The following HECW2 variants were observed in gnomAD, a reference collection of about 807,000 sequenced individuals.
The protein encoded by HECW2 is HECT, C2 and WW domain containing E3 ubiquitin protein ligase 2, also known as E3 ubiquitin-protein ligase HECW2.
Under a neutral mutation model 175.2 loss-of-function variants are expected in HECW2, and 61 were observed. That is an observed-to-expected ratio of 0.35 (90% confidence interval 0.28 to 0.43). The LOEUF (loss-of-function observed/expected upper bound fraction) is 0.43, where lower values mean the gene tolerates loss of function less well. Ranked by LOEUF, HECW2 falls within the 20% of genes least tolerant of loss-of-function variation. HECW2 has a pLI of 1.00. For missense variants in HECW2, 1,524 were observed against 2,000.5 expected (o/e 0.76, Z 4.54); for synonymous variants, 671 against 731.0 (o/e 0.92, Z 1.32).
intron 14 of HECW2, among the ~76,000 whole-genome samples, chr2:196,280,407 G>GT (rs1690142050): frequency 6.6e-6 from 1 of 152,116 alleles, no homozygotes; most frequent in African/African-American, 2.4e-5. Flanking sequence ...GGAACTCTAT[G>GT]TACATCATCA....
intron 2 of HECW2, among the ~76,000 whole-genome samples, chr2:196,394,742 T>G (rs1274309491): frequency 6.6e-6 from 1 of 152,232 alleles, no homozygotes; most frequent in Non-Finnish European, 1.5e-5. Context: ...CTGCCATTCA[T>G]TGGGAAAAGG....
At chr2:196,357,893 T>A (rs1693435529) in intron 2 of HECW2, among the ~76,000 whole-genome samples, 1 of 152,244 alleles carries the variant, frequency 6.6e-6, no homozygotes, top group African/African-American at 2.4e-5. Context: ...TGTGGAACTG[T>A]GAGTCAATTA....
chr2:196,265,900 C>A (rs2105946953), intron 17 of HECW2, among the ~76,000 whole-genome samples: 2 of 152,292 alleles, frequency 1.3e-5, no homozygotes. Context: ...CTAGGCCTTT[C>A]TGGCTCCAAA....
chr2:196,345,965 C>T (rs1230210654), intron 2 of HECW2, among the ~76,000 whole-genome samples: 1 of 152,192 alleles, frequency 6.6e-6, no homozygotes, highest in Admixed American at 6.5e-5. Flanking sequence ...AGAGAACACA[C>T]ACATAGGAGA....
At position 196,433,380 on chromosome 2, in the gene HECW2, C is replaced by T. The variant is rs764980123; in HGVS notation, c.44G>A (p.Arg15Gln). 12 of 1,613,910 alleles carry T rather than the reference C, an allele frequency of 7.4e-6. No homozygotes were observed. Among genetic ancestry groups the T allele is most frequent in the African/African-American group, 1.3e-5 (1 of 74,900 alleles). Residue 15 changes from arginine (R) to glutamine (Q), a missense_variant, in exon 2 of 29, where the codon CGA becomes CAA. Physicochemically the swap from Arg to Gln is conservative, Grantham distance 43. This residue lies in a region of HECW2 where 135 missense variants were observed against 214.6 expected (regional missense o/e 0.63). Transcript: ENST00000644978. ...AREHLLFVRR[R>Q]NPQMRYTLSP... is the part of the protein sequence containing the mutation. ...CAATGTGTACCGCATCTGGGGATTT[C>T]GACGCCTCACAAAAAGCAGGTGCTC... is the stretch of plus-strand genomic sequence containing the variant.
At chr2:196,242,551 CT>C (rs1422815863) in intron 19 of HECW2, 6 of 227,050 alleles carry the variant, frequency 2.6e-5, no homozygotes, top group African/African-American at 1.1e-4. Flanking sequence ...TCTTTGCTTG[CT>C]GCTGAAATGA....
At position 196,306,670 on chromosome 2, in the gene HECW2, T is replaced by C. The variant is rs530535714; in HGVS notation, c.2690-58A>G. ...AAATCTTTCTATGATGTGAAAACTA[T>C]CTACTCACTTCAGTCTGCATTTCAA... On this transcript the variant is annotated intron_variant, in intron 12 of 28. Coordinates refer to ENST00000644978, the MANE Select transcript of HECW2 (RefSeq NM_001348768.2). 4.5e-3 allele frequency: 6,772 copies of C among 1,498,414 alleles called. 20 individuals are homozygous for C. The highest frequency in any genetic ancestry group is 5.6e-3 in the Non-Finnish European group (6,269 of 1,117,656). The allele number at this position is 1,498,414 out of a possible 1,614,324, so 92.8% of individuals were successfully genotyped here.
At chr2:196,275,062 G>A (rs935139251) in intron 15 of HECW2, among the ~76,000 whole-genome samples, 1 of 152,234 alleles carries the variant, frequency 6.6e-6, no homozygotes, top group African/African-American at 2.4e-5. Flanking sequence ...TATTTGCTGA[G>A]GATTTTTCTA....
chr2:196,247,576 A>G (rs1688694973), intron 19 of HECW2, among the ~76,000 whole-genome samples: 1 of 152,222 alleles, frequency 6.6e-6, no homozygotes, highest in African/African-American at 2.4e-5. Flanking sequence ...ACTGTGCAGG[A>G]AAAAATTTCA....
chr2:196,335,360 C>T (rs1692513056), intron 3 of HECW2, among the ~76,000 whole-genome samples: 1 of 152,174 alleles, frequency 6.6e-6, no homozygotes. Context: ...GTATACAAAG[C>T]GTCTGAGTCA....
intron 2 of HECW2, among the ~76,000 whole-genome samples, chr2:196,409,652 G>A (rs555406516): frequency 7.6e-4 from 116 of 152,286 alleles, no homozygotes; most frequent in Non-Finnish European, 1.1e-3. Context: ...TGACTCAAGC[G>A]TTACATTTAG....
intron 2 of HECW2, chr2:196,362,060 T>C (rs1363889419): frequency 2.0e-6 from 2 of 985,068 alleles, no homozygotes; most frequent in Non-Finnish European, 2.4e-6. Flanking sequence ...GTTCTAGAAA[T>C]GAAATACTAG....
At chr2:196,209,721 T>G (rs1216872671) in intron 28 of HECW2, among the ~76,000 whole-genome samples, 1 of 152,002 alleles carries the variant, frequency 6.6e-6, no homozygotes, top group Admixed American at 6.6e-5. Context: ...AAAGGGTCCT[T>G]CTAGTACTCA....
At chr2:196,475,234 G>A (rs1025077688) in intron 1 of HECW2, among the ~76,000 whole-genome samples, 4 of 152,008 alleles carry the variant, frequency 2.6e-5, no homozygotes, top group African/African-American at 9.7e-5. Flanking sequence ...CTGCCAGATC[G>A]GAGAGTTCCC....
intron 21 of HECW2, among the ~76,000 whole-genome samples, chr2:196,234,273 A>C (rs1275168275): frequency 6.7e-6 from 1 of 150,316 alleles, no homozygotes. Context: ...ACAACAGTCT[A>C]ATCCAGTTTT....
chr2:196,382,451 C>T (rs1263270104), intron 2 of HECW2, among the ~76,000 whole-genome samples: 4 of 151,342 alleles, frequency 2.6e-5, no homozygotes, highest in Non-Finnish European at 5.9e-5. Flanking sequence ...GAAAAAAGGC[C>T]TCTGGTTATT....
chr2:196,570,142 A>G lies in HECW2; in HGVS notation c.-36+23366T>C, dbSNP rs1455748358. ...TATGGTTCTAAAAGTCTCAATAGAT[A>G]TGACTGCAAACACAGAAAGTCATTA... On this transcript the variant is annotated intron_variant, in intron 1 of 28. Coordinates refer to ENST00000644978, the MANE Select transcript of HECW2 (RefSeq NM_001348768.2). Among the ~76,000 whole-genome samples, 3 of 152,362 alleles carry G rather than the reference A, an allele frequency of 2.0e-5. No individual in the cohort carries two copies. The East Asian group carries it at 5.8e-4, about 29-fold the overall frequency.
chr2:196,207,925 G>A (rs1687130619), intron 28 of HECW2, among the ~76,000 whole-genome samples: 2 of 152,204 alleles, frequency 1.3e-5, no homozygotes, highest in Admixed American at 1.3e-4. Flanking sequence ...TGCATTCTGA[G>A]CAGGTACCTT....
chr2:196,289,641 T>C (rs1423002790), intron 14 of HECW2: 3 of 152,104 alleles, frequency 2.0e-5, no homozygotes. Context: ...TGCTGATCAG[T>C]AGTGGGATCA....
Sources: gnomAD v4.1 joint callset for allele counts (sites outside exome capture counted in the v4.1 genomes callset) on GRCh38, gnomAD v4.1.1 for gene constraint, gnomAD v4.1.1 regional missense constraint, MANE v1.5 for transcripts, NCBI Gene and HGNC (gene_info 2026-07-23, HGNC 2026-07-21) for gene names.